The following NEO1 variants were observed in gnomAD, a reference collection of about 807,000 sequenced individuals.
NEO1 encodes the protein neogenin.
Under a neutral mutation model 159.7 loss-of-function variants are expected in NEO1, and 63 were observed. The observed-to-expected ratio is 0.39, with a 90% CI of 0.32 to 0.49. The LOEUF (loss-of-function observed/expected upper bound fraction) is 0.49, where lower values mean the gene tolerates loss of function less well. Among genes scored for constraint, NEO1 ranks in the 20% least tolerant of loss-of-function variants. The probability of loss-of-function intolerance (pLI) is 0.85; values close to 1 mark genes in which losing one functional copy is unlikely to be tolerated. For synonymous variants in NEO1, 633 were observed against 662.0 expected (o/e 0.96, Z 0.67); for missense variants, 1,615 against 1,831.0 (o/e 0.88, Z 2.15).
intron 7 of NEO1, among the ~76,000 whole-genome samples, chr15:73,211,867 GTTC>G (rs2037596661): frequency 6.6e-6 from 1 of 152,206 alleles, no homozygotes; most frequent in South Asian, 2.1e-4. Context: ...GTTTGTGATA[GTTC>G]TTCAGTCTTT....
intron 16 of NEO1, among the ~76,000 whole-genome samples, chr15:73,268,168 A>G (rs1421721402): frequency 6.6e-6 from 1 of 152,200 alleles, no homozygotes; most frequent in African/African-American, 2.4e-5. Flanking sequence ...CTATATGCTT[A>G]CAGTTTATAA....
At chr15:73,207,231 T>C (rs1330430135) in intron 7 of NEO1, among the ~76,000 whole-genome samples, 1 of 152,226 alleles carries the variant, frequency 6.6e-6, no homozygotes, top group African/African-American at 2.4e-5. Flanking sequence ...AACTATATTT[T>C]AATCATTACT....
At chr15:73,299,305 A>G (rs1015764355) in intron 27 of NEO1, among the ~76,000 whole-genome samples, 3 of 152,214 alleles carry the variant, frequency 2.0e-5, no homozygotes, top group African/African-American at 4.8e-5. Context: ...AGAAATTTTT[A>G]AAGTATTTTA....
At chr15:73,124,175 A>G (rs1361369986) in intron 3 of NEO1, among the ~76,000 whole-genome samples, 1 of 151,816 alleles carries the variant, frequency 6.6e-6, no homozygotes, top group East Asian at 1.9e-4. Flanking sequence ...TGTTCCTCCT[A>G]CCTCAGCCTA....
At chr15:73,213,110 T>C (rs1433936629) in intron 7 of NEO1, among the ~76,000 whole-genome samples, 1 of 152,196 alleles carries the variant, frequency 6.6e-6, no homozygotes, top group Non-Finnish European at 1.5e-5. Flanking sequence ...ACAAGCATAT[T>C]GCATTTTGAT....
chr15:73,075,240 T>C (rs1197190062), intron 1 of NEO1, among the ~76,000 whole-genome samples: 1 of 152,130 alleles, frequency 6.6e-6, no homozygotes, highest in East Asian at 1.9e-4. Context: ...GCAGGGATTT[T>C]TGTGGGGGCG....
At chr15:73,081,167 C>G (rs1375192629) in intron 1 of NEO1, among the ~76,000 whole-genome samples, 3 of 152,036 alleles carry the variant, frequency 2.0e-5, no homozygotes, top group African/African-American at 7.2e-5. Flanking sequence ...GATGTTTCAT[C>G]TCTCTCCCCT....
At chr15:73,237,027 C>A (rs2039216604) in intron 8 of NEO1, among the ~76,000 whole-genome samples, 1 of 152,204 alleles carries the variant, frequency 6.6e-6, no homozygotes, top group Non-Finnish European at 1.5e-5. Context: ...CTGCTTTGTG[C>A]CACAGGCTGG....
intron 11 of NEO1, among the ~76,000 whole-genome samples, chr15:73,250,500 A>G (rs867321682): frequency 2.6e-5 from 4 of 152,210 alleles, no homozygotes; most frequent in Non-Finnish European, 5.9e-5. Flanking sequence ...CATCACCAAT[A>G]AAAGAACAGA....
chr15:73,096,340 T>TTAA (rs2151477917), intron 1 of NEO1, among the ~76,000 whole-genome samples: 1 of 152,126 alleles, frequency 6.6e-6, no homozygotes, highest in East Asian at 1.9e-4. Context: ...TGCATGGAAA[T>TTAA]TTTAGACAAG....
intron 7 of NEO1, 198 bp from the exon 8 acceptor site, chr15:73,236,148 CT>C: frequency 1.4e-6 from 1 of 719,994 alleles, no homozygotes; most frequent in Non-Finnish European, 2.2e-6. Flanking sequence ...GTTTAATGGC[CT>C]TTTTTATGTT....
chr15:73,057,779 G>A lies in NEO1; in HGVS notation c.130+4974G>A, dbSNP rs533314201. 7.2e-5 allele frequency among the ~76,000 whole-genome samples: 11 copies of A among 152,098 alleles called. No individual in the cohort carries two copies. In the South Asian group the frequency reaches 2.3e-3, roughly 32 times the overall value. The stretch of plus-strand genomic sequence containing the variant: ...ATTATCTTTTTACATTGTAATCATG[G>A]TGTATGTATAACTTGAAATGTTTTC... On this transcript the variant is annotated intron_variant, in intron 1 of 28. Coordinates refer to ENST00000261908, the MANE Select transcript of NEO1 (RefSeq NM_002499.4).
At chr15:73,069,125 ATTTTT>A (rs962027800) in intron 1 of NEO1, among the ~76,000 whole-genome samples, 8 of 105,432 alleles carry the variant, frequency 7.6e-5, no homozygotes, top group African/African-American at 1.4e-4. Flanking sequence ...TAATTTTTGT[ATTTTT>A]TTTTTTTTTT....
At chr15:73,064,800 C>T (rs28743094) in intron 1 of NEO1, among the ~76,000 whole-genome samples, 83,223 of 151,956 alleles carry the variant, frequency 0.55, 23,178 homozygotes, top group Middle Eastern at 0.6. Flanking sequence ...GTTTGTAGCA[C>T]GTGGTTAGGT....
At chr15:73,244,981 A>AAAAAAAAAAAAAAC (rs1426485832) in intron 9 of NEO1, among the ~76,000 whole-genome samples, 11 of 148,108 alleles carry the variant, frequency 7.4e-5, no homozygotes, top group Non-Finnish European at 1.2e-4. Context: ...AAAAAAAAAA[A>AAAAAAAAAAAAAAC]AACAACAGCA....
intron 15 of NEO1, among the ~76,000 whole-genome samples, chr15:73,261,522 A>G (rs1020180205): frequency 3.3e-5 from 5 of 152,176 alleles, no homozygotes; most frequent in Non-Finnish European, 7.4e-5. Context: ...ATCTCCATAT[A>G]CTAATAATAA....
At chr15:73,129,260 A>G (rs914689170) in intron 4 of NEO1, among the ~76,000 whole-genome samples, 1 of 152,228 alleles carries the variant, frequency 6.6e-6, no homozygotes, top group Non-Finnish European at 1.5e-5. Context: ...TACCCAAAAT[A>G]TCTTTGTTTC....
rs1237339665 is a variant in NEO1, at chr15:73,134,089, G to T, written c.879-1802G>T. Among the ~76,000 whole-genome samples, 11 of 152,178 alleles carry T rather than the reference G, an allele frequency of 7.2e-5. 1 individual carries two copies. In the East Asian group the frequency reaches 1.5e-3, roughly 21 times the overall value. On this transcript the variant is annotated intron_variant, in intron 4 of 28. Transcript: ENST00000261908. ...TTAAGTTTTTTGTTTCTGAAACTTA[G>T]TAGTAAATTTTATCCAGGTATAAAA...
intron 19 of NEO1, 57 bp downstream of exon 19, chr15:73,272,619 T>C: frequency 8.2e-7 from 1 of 1,222,996 alleles, no homozygotes; most frequent in Admixed American, 1.8e-5. Context: ...GACAGGAGTA[T>C]TCCAGGAGAG....
Sources: allele counts gnomAD v4.1 joint callset (sites outside exome capture counted in the v4.1 genomes callset), GRCh38; gene constraint gnomAD v4.1.1; transcripts MANE v1.5; gene names NCBI Gene and HGNC (gene_info 2026-07-23, HGNC 2026-07-21).